HOMER1: variants seen among roughly 807,000 people sequenced by gnomAD.
The protein encoded by HOMER1 is homer scaffold protein 1.
Under a neutral mutation model 48.9 loss-of-function variants are expected in HOMER1, and 3 were observed. That is an observed-to-expected ratio of 0.06 (90% CI 0.03 to 0.16). The LOEUF (loss-of-function observed/expected upper bound fraction) is 0.16. Ranked by LOEUF, HOMER1 falls within the 10% of genes least tolerant of loss-of-function variation. The pLI is 1.00. For missense variants in HOMER1, 247 were observed against 411.4 expected (o/e 0.60, Z 3.46); for synonymous variants, 134 against 146.4 (o/e 0.92, Z 0.61).
intron 5 of HOMER1, among the ~76,000 whole-genome samples, chr5:79,427,256 A>G (rs976986848): frequency 6.6e-6 from 1 of 152,202 alleles, no homozygotes; most frequent in Non-Finnish European, 1.5e-5. Flanking sequence ...TAGAGTAATA[A>G]TTACACTAGA....
chr5:79,400,087 T>TA (rs1298345181), intron 6 of HOMER1, among the ~76,000 whole-genome samples: 3 of 151,598 alleles, frequency 2.0e-5, no homozygotes, highest in Non-Finnish European at 2.9e-5. Flanking sequence ...TGTCATAAAT[T>TA]TTTTTTTGTG....
chr5:79,468,166 T>C (rs946178497), intron 1 of HOMER1, among the ~76,000 whole-genome samples: 2 of 152,200 alleles, frequency 1.3e-5, no homozygotes, highest in Non-Finnish European at 2.9e-5. Flanking sequence ...CCACTACGCA[T>C]GTGAAATTCA....
At chr5:79,482,212 C>T (rs1241048709) in intron 1 of HOMER1, among the ~76,000 whole-genome samples, 2 of 151,834 alleles carry the variant, frequency 1.3e-5, no homozygotes, top group African/African-American at 4.8e-5. Context: ...AGAGTGACAC[C>T]CTGTCTCAAA....
At chr5:79,387,181 G>A (rs1749140813) in intron 8 of HOMER1, among the ~76,000 whole-genome samples, 1 of 151,580 alleles carries the variant, frequency 6.6e-6, no homozygotes, top group South Asian at 2.1e-4. Context: ...ACCCAGACGT[G>A]CAGTGGTGCA....
chr5:79,432,309 C>T (rs1041266841), intron 5 of HOMER1, among the ~76,000 whole-genome samples: 4 of 152,140 alleles, frequency 2.6e-5, no homozygotes, highest in Non-Finnish European at 5.9e-5. Context: ...TTTTTTAAAG[C>T]CCTCCACAAG....
chr5:79,416,198 T>C (rs575735106), intron 5 of HOMER1, among the ~76,000 whole-genome samples: 9 of 152,358 alleles, frequency 5.9e-5, no homozygotes, highest in African/African-American at 2.2e-4. Flanking sequence ...CAATGATTTA[T>C]ATTGTATGCA....
At chr5:79,465,255 A>G (rs1204541884) in intron 1 of HOMER1, among the ~76,000 whole-genome samples, 2 of 152,060 alleles carry the variant, frequency 1.3e-5, no homozygotes, top group Non-Finnish European at 2.9e-5. Context: ...GGATCATTTG[A>G]GCCCAGGAGT....
At chr5:79,429,974 G>T (rs1750374604) in intron 5 of HOMER1, among the ~76,000 whole-genome samples, 1 of 149,960 alleles carries the variant, frequency 6.7e-6, no homozygotes, top group Non-Finnish European at 1.5e-5. Flanking sequence ...AGTGAGCCGA[G>T]ATTGAGCCAC....
intron 5 of HOMER1, among the ~76,000 whole-genome samples, chr5:79,409,545 A>C (rs1268118721): frequency 6.6e-6 from 1 of 152,216 alleles, no homozygotes; most frequent in Non-Finnish European, 1.5e-5. Context: ...GGACTACATA[A>C]AAATGAAAAA....
Position 79,402,032 on chromosome 5 carries a change from T to A in HOMER1, c.551A>T (p.Glu184Val). The change falls in exon 6 of 9, where the codon GAG (glutamate) becomes GTG (valine). Residue 184 changes from glutamate to valine, a missense_variant. By Grantham distance (121) the Glu-to-Val change is moderately radical. Coordinates refer to ENST00000334082, the MANE Select transcript of HOMER1 (RefSeq NM_004272.5). ...SHSSAISKHW[E>V]AELATLKGNN... is the part of the protein sequence containing the mutation. ...TCCTTTGAGGGTAGCCAGTTCAGCCTCCCAATGTTTGCTGATTGCTGAACT... is the reference window on the plus strand; with the variant it reads ...TCCTTTGAGGGTAGCCAGTTCAGCCACCCAATGTTTGCTGATTGCTGAACT... 1 of 1,613,548 alleles carries A rather than the reference T, an allele frequency of 6.2e-7. No homozygotes were observed. Among genetic ancestry groups the A allele is most frequent in the Non-Finnish European group, 8.5e-7 (1 of 1,179,952 alleles).
chr5:79,512,777 T>A lies in HOMER1; in HGVS notation c.-3A>T. The A allele has an allele frequency of 6.2e-7, 1 of 1,613,832 alleles. No homozygotes were observed. The highest frequency in any genetic ancestry group is 8.5e-7 in the Non-Finnish European group (1 of 1,179,794). On this transcript the variant is annotated 5_prime_UTR_variant, in exon 1 of 9. Coordinates refer to ENST00000334082, the MANE Select transcript of HOMER1 (RefSeq NM_004272.5). Reference sequence around the variant, plus strand: ...AAGCACAAAAATCCTTACCCCATTTTGCCCAATGAAAACTTGCTCTGAAGT... The same window carrying A: ...AAGCACAAAAATCCTTACCCCATTTAGCCCAATGAAAACTTGCTCTGAAGT...
chr5:79,398,612 T>G lies in HOMER1; in HGVS notation c.685-975A>C, dbSNP rs891061654. On this transcript the variant is annotated intron_variant, in intron 6 of 8. Coordinates refer to ENST00000334082, the MANE Select transcript of HOMER1 (RefSeq NM_004272.5). ...GTGGACTTAATTATAATCTTTTTTT[T>G]GTCTATTCTGCAAATTGCTAAGATT... Among the ~76,000 whole-genome samples the G allele has an allele frequency of 5.3e-5, 8 of 152,270 alleles. No individual in the cohort carries two copies. In the East Asian group the frequency reaches 1.2e-3, roughly 22 times the overall value.
At chr5:79,409,262 A>G (rs1396136909) in intron 5 of HOMER1, among the ~76,000 whole-genome samples, 16 of 151,418 alleles carry the variant, frequency 1.1e-4, no homozygotes, top group Admixed American at 9.9e-4. Context: ...GTGAAACCCT[A>G]TCTCTACTAA....
At chr5:79,465,923 T>G (rs1434648770) in intron 1 of HOMER1, among the ~76,000 whole-genome samples, 1 of 152,134 alleles carries the variant, frequency 6.6e-6, no homozygotes, top group African/African-American at 2.4e-5. Context: ...TTAAGAGTAG[T>G]TTTTATAATC....
chr5:79,459,327 A>G (rs1449556899), intron 1 of HOMER1, among the ~76,000 whole-genome samples: 1 of 152,226 alleles, frequency 6.6e-6, no homozygotes, highest in East Asian at 1.9e-4. Flanking sequence ...TCTACATCAT[A>G]TTGAGTCATA....
chr5:79,391,639 G>T (rs959266063), intron 8 of HOMER1, among the ~76,000 whole-genome samples: 1 of 151,574 alleles, frequency 6.6e-6, no homozygotes, highest in East Asian at 2.0e-4. Context: ...CCAGCTACTC[G>T]GGAGGCTGAG....
intron 2 of HOMER1, among the ~76,000 whole-genome samples, chr5:79,452,809 TC>T (rs1751065633): frequency 1.3e-5 from 2 of 152,202 alleles, no homozygotes; most frequent in Admixed American, 6.5e-5. Flanking sequence ...ATTTACATAT[TC>T]ATACTTATAC....
chr5:79,386,544 A>G (rs78558913), intron 8 of HOMER1, among the ~76,000 whole-genome samples: 7,986 of 152,256 alleles, frequency 0.052, 530 homozygotes, highest in African/African-American at 0.15. Context: ...AGTAAGTTCT[A>G]ATGTTTGATA....
Position 79,401,847 on chromosome 5 carries a change from T to C in HOMER1, c.684+52A>G. 5 of 1,569,288 alleles carry C rather than the reference T, an allele frequency of 3.2e-6. No homozygotes were observed. In the East Asian group the frequency reaches 9.0e-5, roughly 28 times the overall value. On this transcript the variant is annotated intron_variant, in intron 6 of 8. Transcript: ENST00000334082. ...GAATCTACATGCAAATTTCTTCTGA[T>C]CAAGAAAACCTGTTAGCCCTAAATC...
Sources: gnomAD v4.1 joint callset for allele counts (sites outside exome capture counted in the v4.1 genomes callset) on GRCh38, gnomAD v4.1.1 for gene constraint, MANE v1.5 for transcripts, NCBI Gene and HGNC (gene_info 2026-07-23, HGNC 2026-07-21) for gene names.